ADA2: variants seen among roughly 807,000 people sequenced by gnomAD.
ADA2 encodes the protein adenosine deaminase CECR1.
Under a neutral mutation model 44.2 loss-of-function variants are expected in ADA2, and 29 were observed. The ratio of observed to expected loss-of-function variants is 0.66; its 90% CI spans 0.49 to 0.89. The LOEUF is 0.89. Ranked by LOEUF, ADA2 falls within the 40% of genes least tolerant of loss-of-function variation. The probability of loss-of-function intolerance (pLI) is 0.00; values close to 1 mark genes in which losing one functional copy is unlikely to be tolerated. For synonymous variants in ADA2, 215 were observed against 234.9 expected (o/e 0.92, Z 0.77); for missense variants, 637 against 644.8 (o/e 0.99, Z 0.13).
chr22:17,197,246 T>TC (rs1432075910), intron 4 of ADA2, among the ~76,000 whole-genome samples: 5 of 151,456 alleles, frequency 3.3e-5, no homozygotes, highest in African/African-American at 1.2e-4. Context: ...CGCAATTTCT[T>TC]TTTTTCTTTC....
chr22:17,199,449 A>ATCCTCTTCCCCT (rs1555886269), intron 4 of ADA2: 49 of 351,706 alleles, frequency 1.4e-4, no homozygotes, highest in African/African-American at 2.2e-4. Flanking sequence ...CTTCCCCTCC[A>ATCCTCTTCCCCT]CCCACGAAGA....
At chr22:17,188,545 G>T in intron 6 of ADA2, 98 bp from the exon 7 acceptor site, 2 of 728,774 alleles carry the variant, frequency 2.7e-6, no homozygotes, top group Non-Finnish European at 4.7e-6. Flanking sequence ...CTTGTACCCT[G>T]CCACCACTGC....
intron 2 of ADA2, among the ~76,000 whole-genome samples, chr22:17,208,976 A>G (rs1036033164): frequency 6.6e-6 from 1 of 151,906 alleles, no homozygotes; most frequent in African/African-American, 2.4e-5. Context: ...TTACAGGTGC[A>G]CCACCACCCC....
rs910212904 is a variant in ADA2, at chr22:17,182,731, A to G, written c.1112T>C (p.Ile371Thr). The change falls in exon 8 of 10, where the codon ATT (isoleucine) becomes ACT (threonine). Residue 371 changes from isoleucine (I) to threonine (T), a missense_variant. Ile to Thr is a moderately conservative substitution (Grantham distance 89, BLOSUM62 -1). Transcript: ENST00000399837. ...AGTGTTCAGCATCAGAGCATCCAGA[A>G]TGTTCCTGTCTATGGAAGTACCCTG... ...DWQGTSIDRN[I>T]LDALMLNTTR... The G allele has an allele frequency of 2.5e-6, 4 of 1,613,684 alleles. No individual in the cohort carries two copies. In the African/African-American group the frequency reaches 5.3e-5, roughly 22 times the overall value.
At chr22:17,221,444 A>AC (rs1206551737), upstream of ADA2, among the ~76,000 whole-genome samples, 2 of 150,202 alleles carry the variant, frequency 1.3e-5, no homozygotes, top group South Asian at 2.1e-4. Context: ...CCCAGCCCCG[A>AC]CCCCCCCGAC....
At chr22:17,191,543 G>T in intron 5 of ADA2, 140 bp downstream of exon 5, 2 of 920,242 alleles carry the variant, frequency 2.2e-6, no homozygotes, top group Non-Finnish European at 3.4e-6. Context: ...TCTCACACAG[G>T]CACAGCACAG....
Position 17,181,369 on chromosome 22 carries a change from G to T in ADA2, c.*114C>A. ...CCAGCCAAGTGCTTCTCACAGGGTC[G>T]CTCCATACAGAGGCCATTGATTTCA... On this transcript the variant is annotated 3_prime_UTR_variant, in exon 10 of 10. Coordinates refer to ENST00000399837, the MANE Select transcript of ADA2 (RefSeq NM_001282225.2). 2 of 751,434 alleles carry T rather than the reference G, an allele frequency of 2.7e-6. No homozygotes were observed. The highest frequency in any genetic ancestry group is 1.5e-5 in the South Asian group (1 of 66,432). 46.5% of individuals were successfully genotyped at this position (751,434 alleles called of 1,614,324 possible).
At chr22:17,209,205 C>G in intron 2 of ADA2, 151 bp downstream of exon 2, 1 of 681,080 alleles carries the variant, frequency 1.5e-6, no homozygotes, top group Admixed American at 2.9e-5. Context: ...CACCCTTTTC[C>G]TAGTCTACCC....
chr22:17,188,868 A>AAAAAAAAAAATATAT, intron 6 of ADA2: 11 of 81,180 alleles, frequency 1.4e-4, no homozygotes, highest in Non-Finnish European at 2.2e-4. Context: ...AAGAGCAAAA[A>AAAAAAAAAAATATAT]ATATATATAT....
Position 17,181,868 on chromosome 22 carries a change from A to C in ADA2, c.1394T>G (p.Met465Arg), listed in dbSNP as rs751292513. The change falls in exon 9 of 10, where the codon ATG (methionine) becomes AGG (arginine). Residue 465 changes from methionine to arginine, a missense_variant. Coordinates refer to ENST00000399837, the MANE Select transcript of ADA2 (RefSeq NM_001282225.2). ...FYEVFMGIGG[M>R]KADLRTLKQL... ...TTTGAGGGTCCTCAGGTCAGCCTTC[A>C]TCCCCCCAATGCCCATGAAGACCTC... 6.2e-7 allele frequency: 1 copy of C among 1,614,102 alleles called. No individual in the cohort carries two copies. The highest frequency in any genetic ancestry group is 1.1e-5 in the South Asian group (1 of 91,086).
intron 6 of ADA2, chr22:17,189,701 T>C: frequency 2.1e-6 from 1 of 468,202 alleles, no homozygotes; most frequent in Non-Finnish European, 3.9e-6. Flanking sequence ...CCTTGTTAGC[T>C]TGTTAGAACT....
chr22:17,202,620 C>G (rs1259134464), intron 4 of ADA2, among the ~76,000 whole-genome samples: 1 of 152,140 alleles, frequency 6.6e-6, no homozygotes, highest in African/African-American at 2.4e-5. Flanking sequence ...CAAAACAAGT[C>G]TCTCCATCCT....
In ADA2 at chr22:17,180,928, A is replaced by C. The variant is rs1257495502; in HGVS notation, c.*555T>G. The C allele has an allele frequency of 6.5e-6, 1 of 152,740 alleles. No homozygotes were observed. Among genetic ancestry groups the C allele is most frequent in the African/African-American group, 2.4e-5 (1 of 41,446 alleles). The allele number at this position is 152,740 out of a possible 1,614,324, so 9.5% of individuals were successfully genotyped here. A position where few individuals can be genotyped will look rare whatever the true frequency, so the allele number is the denominator to read the frequency against. The stretch of plus-strand genomic sequence containing the variant: ...AGGGGCGAGTGGATCACCTGAGGTC[A>C]AGAGTTGGATACCAGCCTCGCCAAC... On this transcript the variant is annotated 3_prime_UTR_variant, in exon 10 of 10. Coordinates refer to ENST00000399837, the MANE Select transcript of ADA2 (RefSeq NM_001282225.2).
At chr22:17,211,897 C>T (rs1334224279) in intron 1 of ADA2, among the ~76,000 whole-genome samples, 1 of 151,682 alleles carries the variant, frequency 6.6e-6, no homozygotes, top group Non-Finnish European at 1.5e-5. Flanking sequence ...CACTGCACTC[C>T]AGCCTGCCAA....
At chr22:17,221,236 C>A (rs896535938), upstream of ADA2, among the ~76,000 whole-genome samples, 1 of 151,886 alleles carries the variant, frequency 6.6e-6, no homozygotes, top group Non-Finnish European at 1.5e-5. Flanking sequence ...TTGATTCCAG[C>A]GCCGCACAAA....
intron 4 of ADA2, among the ~76,000 whole-genome samples, chr22:17,202,640 C>G (rs924797046): frequency 1.3e-5 from 2 of 152,200 alleles, no homozygotes; most frequent in African/African-American, 4.8e-5. Context: ...TAAAAAGAAA[C>G]CTGTGGCCCC....
At chr22:17,205,481 G>A (rs1056302504) in intron 3 of ADA2, among the ~76,000 whole-genome samples, 1 of 152,172 alleles carries the variant, frequency 6.6e-6, no homozygotes, top group Non-Finnish European at 1.5e-5. Context: ...GCTCGAGCAG[G>A]TTAATGAAGG....
chr22:17,209,563 A>T lies in ADA2; in HGVS notation c.115T>A (p.Leu39Met), dbSNP rs538213260. Residue 39 changes from leucine (L) to methionine (M), a missense_variant, in exon 2 of 10, where the codon TTG (leucine) becomes ATG (methionine). Leu to Met is a conservative substitution (Grantham distance 15, BLOSUM62 2). Coordinates refer to ENST00000399837, the MANE Select transcript of ADA2 (RefSeq NM_001282225.2). Reference sequence around the variant, plus strand: ...CCCAGCCGCATCATCTTTTCTTTCAACAACAGATGCGCCCGTGTTTCATCT... The same window carrying T: ...CCCAGCCGCATCATCTTTTCTTTCATCAACAGATGCGCCCGTGTTTCATCT... Reference protein sequence around the residue: ...SIDETRAHLLLKEKMMRLGGR... With the variant: ...SIDETRAHLLMKEKMMRLGGR... 2 of 1,614,064 alleles carry T rather than the reference A, an allele frequency of 1.2e-6. No homozygotes were observed. The highest frequency in any genetic ancestry group is 1.3e-5 in the African/African-American group (1 of 75,012).
intron 4 of ADA2, chr22:17,199,532 A>G: frequency 1.3e-6 from 2 of 1,583,642 alleles, no homozygotes; most frequent in Non-Finnish European, 1.7e-6. Context: ...TTTGCCCAAC[A>G]GGAAGTTCTC....
Sources: gnomAD v4.1 joint callset for allele counts (sites outside exome capture counted in the v4.1 genomes callset) on GRCh38, gnomAD v4.1.1 for gene constraint, MANE v1.5 for transcripts, NCBI Gene and HGNC (gene_info 2026-07-23, HGNC 2026-07-21) for gene names.